Variants in SNX24 observed in about 807,000 individuals in gnomAD.
SNX24 encodes the protein sorting nexin-24.
In SNX24, 22 loss-of-function variants were observed where a neutral mutation model predicts 28.7. The ratio of observed to expected loss-of-function variants is 0.77; its 90% CI spans 0.55 to 1.10. SNX24 has a LOEUF of 1.10. SNX24 is among the 50% of genes least tolerant of loss of function. The pLI is 0.00. For missense variants in SNX24, 221 were observed against 201.1 expected (o/e 1.10, Z -0.60); for synonymous variants, 69 against 71.5 (o/e 0.96, Z 0.18).
intron 3 of SNX24, among the ~76,000 whole-genome samples, chr5:122,967,167 G>A (rs1044210175): frequency 3.9e-5 from 6 of 152,030 alleles, no homozygotes; most frequent in Non-Finnish European, 8.8e-5. Flanking sequence ...TAAAATAAAC[G>A]TCTTTTAAGA....
At chr5:122,953,380 C>T (rs1760051803) in intron 3 of SNX24, among the ~76,000 whole-genome samples, 1 of 152,306 alleles carries the variant, frequency 6.6e-6, no homozygotes, top group Middle Eastern at 3.4e-3. Flanking sequence ...GCTAGGATTA[C>T]AGGCATGAGC....
chr5:122,954,305 T>G (rs1760109414), intron 3 of SNX24, among the ~76,000 whole-genome samples: 1 of 152,026 alleles, frequency 6.6e-6, no homozygotes. Context: ...AGTAGGTGTA[T>G]ATATTTATGA....
chr5:122,879,582 G>A (rs1174161754), intron 1 of SNX24, among the ~76,000 whole-genome samples: 1 of 152,168 alleles, frequency 6.6e-6, no homozygotes, highest in Non-Finnish European at 1.5e-5. Flanking sequence ...CCACTTACAA[G>A]CTGTGAGACA....
intron 3 of SNX24, among the ~76,000 whole-genome samples, chr5:122,951,266 C>CA (rs1445925286): frequency 0.23 from 10,794 of 47,416 alleles, 1,125 homozygotes; most frequent in East Asian, 0.45. Context: ...GACTCTGTCT[C>CA]AAAAAAAAAA....
In SNX24 at chr5:122,884,499, C is replaced by T. The variant is rs192432488; in HGVS notation, c.60+38806C>T. On this transcript the variant is annotated intron_variant, in intron 1 of 6. Coordinates refer to ENST00000261369, the MANE Select transcript of SNX24 (RefSeq NM_014035.4). ...CTCCTGGTCTCAAGTGATCCACCCACCTCGGCCTCACAAAGTGCTGGGATT... is the reference window on the plus strand; with the variant it reads ...CTCCTGGTCTCAAGTGATCCACCCATCTCGGCCTCACAAAGTGCTGGGATT... Among the ~76,000 whole-genome samples the T allele has an allele frequency of 5.5e-4, 84 of 152,134 alleles. 1 individual carries two copies. The East Asian group carries it at 0.013, about 23-fold the overall frequency.
chr5:123,003,572 C>T (rs1762320994), intron 6 of SNX24, among the ~76,000 whole-genome samples: 1 of 152,094 alleles, frequency 6.6e-6, no homozygotes, highest in African/African-American at 2.4e-5. Context: ...GAAGTGTAGA[C>T]AGTGAAATGG....
At chr5:123,012,245 G>A (rs1035732282), downstream of SNX24, among the ~76,000 whole-genome samples, 7 of 152,088 alleles carry the variant, frequency 4.6e-5, no homozygotes, top group Admixed American at 6.5e-5. Flanking sequence ...GCATGAGAAC[G>A]GACTAATACA....
Position 123,008,288 on chromosome 5 carries a change from T to G in SNX24, c.*539T>G, listed in dbSNP as rs1162205225. 1 of 984,082 alleles carries G rather than the reference T, an allele frequency of 1.0e-6. No individual in the cohort carries two copies. Among genetic ancestry groups the G allele is most frequent in the East Asian group, 1.1e-4 (1 of 8,828 alleles). The allele number at this position is 984,082 out of a possible 1,614,324, so 61.0% of individuals were successfully genotyped here. ...TGGAACTAAACTGGAAATTAAATTA[T>G]ACTGACAATATTATGGCATTTTTAA... On this transcript the variant is annotated 3_prime_UTR_variant, in exon 7 of 7. Transcript: ENST00000261369.
intron 1 of SNX24, 27 bp downstream of exon 1, chr5:122,845,720 G>A (rs1754588730): frequency 1.5e-6 from 2 of 1,328,290 alleles, no homozygotes; most frequent in South Asian, 4.5e-5. Flanking sequence ...GGCGGACAGG[G>A]CCCCGCGAGC....
At chr5:123,002,148 G>A (rs924189456) in intron 6 of SNX24, 144 bp downstream of exon 6, 40 of 676,556 alleles carry the variant, frequency 5.9e-5, no homozygotes, top group Non-Finnish European at 8.3e-5. Flanking sequence ...TGGTATAAGC[G>A]ACACTTAGAA....
chr5:122,929,697 A>T (rs1381505118), intron 1 of SNX24, among the ~76,000 whole-genome samples: 3 of 152,100 alleles, frequency 2.0e-5, no homozygotes, highest in African/African-American at 7.2e-5. Context: ...CTAAAACCTT[A>T]TAAATTATAA....
intron 1 of SNX24, among the ~76,000 whole-genome samples, chr5:122,875,628 G>A (rs148880994): frequency 2.6e-5 from 4 of 152,316 alleles, no homozygotes; most frequent in East Asian, 3.9e-4. Flanking sequence ...TGCAAGGCAC[G>A]TATCAAGTTG....
At chr5:122,970,412 G>A (rs1479521223) in intron 3 of SNX24, among the ~76,000 whole-genome samples, 1 of 151,914 alleles carries the variant, frequency 6.6e-6, no homozygotes, top group Non-Finnish European at 1.5e-5. Flanking sequence ...GTGGCTCCTT[G>A]CCAACTACAA....
At chr5:122,906,899 C>T (rs1030386294) in intron 1 of SNX24, among the ~76,000 whole-genome samples, 2 of 152,266 alleles carry the variant, frequency 1.3e-5, no homozygotes, top group East Asian at 1.9e-4. Context: ...GGGCAGGATT[C>T]GAGCCCCAGC....
At chr5:122,905,609 C>A (rs1044152109) in intron 1 of SNX24, among the ~76,000 whole-genome samples, 3 of 152,144 alleles carry the variant, frequency 2.0e-5, no homozygotes, top group African/African-American at 7.2e-5. Context: ...ACTAAATCTG[C>A]AGCACTTCTG....
intron 3 of SNX24, among the ~76,000 whole-genome samples, chr5:122,958,359 T>C (rs558209535): frequency 1.2e-3 from 189 of 152,268 alleles, no homozygotes; most frequent in Non-Finnish European, 2.0e-3. Context: ...GTTCAAGCGA[T>C]TCTCCTGCCT....
chr5:122,891,237 C>G (rs1260312597), intron 1 of SNX24: 15 of 1,044,816 alleles, frequency 1.4e-5, no homozygotes, highest in Non-Finnish European at 1.4e-5. Flanking sequence ...TTTAAAGTGC[C>G]TATTTATTCT....
intron 3 of SNX24, among the ~76,000 whole-genome samples, chr5:122,956,367 T>C (rs552169692): frequency 0.016 from 2,344 of 147,226 alleles, 31 homozygotes; most frequent in African/African-American, 0.028. Flanking sequence ...AAAAAATATA[T>C]ACACACACAC....
chr5:122,931,963 A>G (rs375737062), intron 1 of SNX24, among the ~76,000 whole-genome samples: 124 of 152,026 alleles, frequency 8.2e-4, no homozygotes, highest in Non-Finnish European at 1.5e-3. Context: ...TATTTATTAG[A>G]TATATTCCTG....
Sources: allele counts gnomAD v4.1 joint callset (sites outside exome capture counted in the v4.1 genomes callset), GRCh38; gene constraint gnomAD v4.1.1; transcripts MANE v1.5; gene names NCBI Gene and HGNC (gene_info 2026-07-23, HGNC 2026-07-21).